PTPRD: variants seen among roughly 807,000 people sequenced by gnomAD.
PTPRD encodes the protein protein tyrosine phosphatase receptor type D.
Under a neutral mutation model 214.5 loss-of-function variants are expected in PTPRD, and 34 were observed. The observed-to-expected ratio is 0.16, with a 90% CI of 0.12 to 0.21. PTPRD has a LOEUF of 0.21. PTPRD is among the 10% of genes least tolerant of loss of function. The pLI, the probability that PTPRD is intolerant of heterozygous loss-of-function variation, is 1.00. For synonymous variants in PTPRD, 1,128 were observed against 845.7 expected (o/e 1.33, Z -5.79); for missense variants, 2,545 against 2,398.7 (o/e 1.06, Z -1.27).
chr9:9,845,659 A>C (rs1052822221), intron 5 of PTPRD, among the ~76,000 whole-genome samples: 7 of 152,056 alleles, frequency 4.6e-5, no homozygotes, highest in Non-Finnish European at 8.8e-5. Flanking sequence ...AGGTCTAAAC[A>C]ATAAACTTGA....
chr9:9,250,658 T>C (rs1424728407), intron 9 of PTPRD, among the ~76,000 whole-genome samples: 2 of 152,112 alleles, frequency 1.3e-5, no homozygotes, highest in Admixed American at 6.6e-5. Context: ...GAAAATTTGG[T>C]CTGCCTTTTA....
chr9:8,470,944 G>T, intron 31 of PTPRD, 51 bp downstream of exon 31: 1 of 1,512,124 alleles, frequency 6.6e-7, no homozygotes, highest in Non-Finnish European at 9.2e-7. Context: ...GGGCGGAAAT[G>T]CAGCAGATTA....
intron 10 of PTPRD, among the ~76,000 whole-genome samples, chr9:9,135,258 G>A (rs1256962446): frequency 6.6e-6 from 1 of 152,128 alleles, no homozygotes; most frequent in East Asian, 1.9e-4. Context: ...CAATTCCTCT[G>A]GCACCTAGTA....
At chr9:9,014,476 G>A (rs761916011) in intron 11 of PTPRD, among the ~76,000 whole-genome samples, 7 of 151,986 alleles carry the variant, frequency 4.6e-5, no homozygotes, top group Non-Finnish European at 8.8e-5. Context: ...TAATATGAAC[G>A]ATACATATGT....
intron 10 of PTPRD, among the ~76,000 whole-genome samples, chr9:9,134,058 CTTTTTTTTTTTTTTTT>C (rs928663989): frequency 1.3e-5 from 1 of 75,422 alleles, no homozygotes; most frequent in African/African-American, 5.5e-5. Context: ...TAGAATCATT[CTTTTTTTTTTTTTTTT>C]TTTTTTTTTG....
At chr9:9,719,772 G>A (rs2097902932) in intron 7 of PTPRD, among the ~76,000 whole-genome samples, 1 of 152,290 alleles carries the variant, frequency 6.6e-6, no homozygotes, top group South Asian at 2.1e-4. Flanking sequence ...GGGTTCTGCG[G>A]TTTCTGGCAT....
chr9:9,828,465 C>T (rs1339616712), intron 5 of PTPRD, among the ~76,000 whole-genome samples: 9 of 151,970 alleles, frequency 5.9e-5, no homozygotes, highest in Admixed American at 4.6e-4. Context: ...AACACATGGA[C>T]ACAGGAAGGG....
chr9:8,966,536 T>C (rs940117593), intron 11 of PTPRD, among the ~76,000 whole-genome samples: 2 of 151,948 alleles, frequency 1.3e-5, no homozygotes, highest in Non-Finnish European at 2.9e-5. Context: ...ATAAATGGTA[T>C]TGAGACAACT....
Position 9,275,073 on chromosome 9 carries a change from T to A in PTPRD, c.-202-91710A>T, listed in dbSNP as rs1159928380. 6.2e-4 allele frequency among the ~76,000 whole-genome samples: 50 copies of A among 80,466 alleles called. 1 individual carries two copies. Among genetic ancestry groups the A allele is most frequent in the Non-Finnish European group, 7.1e-4 (31 of 43,776 alleles). The allele number at this position is 80,466 out of a possible 152,430, so 52.8% of individuals were successfully genotyped here. A position where few individuals can be genotyped will look rare whatever the true frequency, so the allele number is the denominator to read the frequency against. ...TATATATGTATATATATATTATATATATATATATAATATATATGTTATATA... is the reference window on the plus strand; with the variant it reads ...TATATATGTATATATATATTATATAAATATATATAATATATATGTTATATA... On this transcript the variant is annotated intron_variant, in intron 9 of 45. Transcript: ENST00000381196.
Position 8,747,294 on chromosome 9 carries a change from A to G in PTPRD, c.-103-13348T>C, listed in dbSNP as rs187349325. ...GGCACTAGAATTAGGAAAAGGAAAA[A>G]GGATAAATATATATACAGGCTCTAA... is the stretch of plus-strand genomic sequence containing the variant. On this transcript the variant is annotated intron_variant, in intron 11 of 45. Coordinates refer to ENST00000381196, the MANE Select transcript of PTPRD (RefSeq NM_002839.4). Among the ~76,000 whole-genome samples the G allele has an allele frequency of 3.8e-3, 572 of 152,282 alleles. 5 individuals carry two copies. Among genetic ancestry groups the G allele is most frequent in the African/African-American group, 0.013 (535 of 41,560 alleles).
intron 3 of PTPRD, among the ~76,000 whole-genome samples, chr9:10,270,281 A>G (rs566897693): frequency 3.3e-5 from 5 of 152,264 alleles, no homozygotes; most frequent in Admixed American, 3.3e-4. Context: ...TTTTGAAAAT[A>G]AAAGTTTATT....
At chr9:8,642,390 T>C (rs2096595662) in intron 12 of PTPRD, among the ~76,000 whole-genome samples, 1 of 152,194 alleles carries the variant, frequency 6.6e-6, no homozygotes, top group Non-Finnish European at 1.5e-5. Context: ...CTGTTTGTCA[T>C]AACAATGTAC....
At chr9:8,493,329 A>C (rs2097189046) in intron 26 of PTPRD, among the ~76,000 whole-genome samples, 1 of 152,208 alleles carries the variant, frequency 6.6e-6, no homozygotes, top group Non-Finnish European at 1.5e-5. Flanking sequence ...GAATGTTGGA[A>C]TTATAATAGG....
chr9:8,745,620 G>C (rs2092707064), intron 11 of PTPRD, among the ~76,000 whole-genome samples: 1 of 152,120 alleles, frequency 6.6e-6, no homozygotes, highest in African/African-American at 2.4e-5. Context: ...GTGTATCTTA[G>C]AGTAAAAGTT....
At chr9:8,753,263 A>C (rs2093690676) in intron 11 of PTPRD, among the ~76,000 whole-genome samples, 1 of 152,236 alleles carries the variant, frequency 6.6e-6, no homozygotes, top group Admixed American at 6.5e-5. Context: ...AAAACCATGA[A>C]GCATGATGTT....
intron 10 of PTPRD, chr9:9,090,833 T>A (rs902100649): frequency 2.5e-5 from 19 of 753,560 alleles, no homozygotes; most frequent in Non-Finnish European, 4.6e-5. Flanking sequence ...GATATCTTAT[T>A]CCATTGACAA....
rs1255794068 is a variant in PTPRD, at chr9:8,383,595, C to A, written c.4386+5637G>T. 2.6e-5 allele frequency among the ~76,000 whole-genome samples: 4 copies of A among 152,134 alleles called. No individual in the cohort carries two copies. In the East Asian group the frequency reaches 7.7e-4, roughly 29 times the overall value. On this transcript the variant is annotated intron_variant, in intron 37 of 45. Coordinates refer to ENST00000381196, the MANE Select transcript of PTPRD (RefSeq NM_002839.4). Reference sequence around the variant, plus strand: ...CCCTATTTGGAAACAGAAAATGGGACTTAAGATAGCTTGGAAACCAAGAAT... The same window carrying A: ...CCCTATTTGGAAACAGAAAATGGGAATTAAGATAGCTTGGAAACCAAGAAT...
chr9:10,495,892 G>T (rs1260089634), intron 2 of PTPRD, among the ~76,000 whole-genome samples: 1 of 151,536 alleles, frequency 6.6e-6, no homozygotes, highest in African/African-American at 2.4e-5. Flanking sequence ...GGAATAAATT[G>T]TATTTTACTA....
intron 34 of PTPRD, among the ~76,000 whole-genome samples, chr9:8,446,099 T>C (rs1163741451): frequency 6.6e-6 from 1 of 152,236 alleles, no homozygotes; most frequent in Non-Finnish European, 1.5e-5. Context: ...AGGATGGTTA[T>C]ACTGACAAAA....
Sources: gnomAD v4.1 joint callset for allele counts (sites outside exome capture counted in the v4.1 genomes callset) on GRCh38, gnomAD v4.1.1 for gene constraint, MANE v1.5 for transcripts, NCBI Gene and HGNC (gene_info 2026-07-23, HGNC 2026-07-21) for gene names.